DMD: variants seen among roughly 807,000 people sequenced by gnomAD.
DMD encodes the protein mutant dystrophin.
A neutral mutation model predicts 330.1 loss-of-function variants in DMD; 63 were observed. That is an observed-to-expected ratio of 0.19 (90% CI 0.16 to 0.24). The LOEUF (loss-of-function observed/expected upper bound fraction) is 0.24. DMD is among the 10% of genes least tolerant of loss of function. The pLI is 1.00. For synonymous variants in DMD, 1,223 were observed against 959.8 expected (o/e 1.27, Z -5.07); for missense variants, 3,344 against 2,684.1 (o/e 1.25, Z -5.43).
intron 43 of DMD, among the ~76,000 whole-genome samples, chrX:32,228,245 C>A (rs1487772099): frequency 9.0e-6 from 1 of 111,174 alleles, no homozygotes; most frequent in Admixed American, 9.6e-5. Context: ...TAGAACTCCG[C>A]AAATTTTCTT....
In DMD at chrX:31,932,138, C is replaced by G. The variant is rs1316893006; in HGVS notation, c.6704G>C (p.Ser2235Thr). Residue 2235 changes from serine (S) to threonine (T), a missense_variant, in exon 46 of 79, where the codon AGT (serine) becomes ACT (threonine). Ser to Thr is a moderately conservative substitution (Grantham distance 58). Coordinates refer to ENST00000357033, the MANE Select transcript of DMD (RefSeq NM_004006.3). ...LWLEEADNIA[S>T]IPLEPGKEQQ... ...CTCTTTTCCAGGTTCAAGTGGGATA[C>G]TAGCAATGTTATCTGCTTCCTCCAA... 29 of 1,203,335 alleles carry G rather than the reference C, an allele frequency of 2.4e-5. No individual in the cohort carries two copies. The highest frequency in any genetic ancestry group is 3.0e-5 in the Non-Finnish European group (27 of 889,297).
chrX:31,267,127 G>T (rs1451243939), intron 62 of DMD, among the ~76,000 whole-genome samples: 1 of 110,522 alleles, frequency 9.0e-6, no homozygotes, highest in Non-Finnish European at 1.9e-5. Flanking sequence ...AAGAAAGAAA[G>T]AAAGAAAGAG....
At chrX:33,021,600 T>C (rs974607491) in intron 1 of DMD, among the ~76,000 whole-genome samples, 2 of 111,520 alleles carry the variant, frequency 1.8e-5, no homozygotes, top group Admixed American at 9.6e-5. Context: ...AACAAATATA[T>C]GCATGCACCA....
chrX:31,882,299 G>A (rs1308052020), intron 47 of DMD, among the ~76,000 whole-genome samples: 3 of 111,670 alleles, frequency 2.7e-5, no homozygotes, highest in African/African-American at 9.8e-5. Flanking sequence ...AGTTGGAAAA[G>A]GATGATCTTT....
chrX:33,328,448 G>A (rs985253324), intron 1 of DMD, among the ~76,000 whole-genome samples: 2 of 110,461 alleles, frequency 1.8e-5, no homozygotes, highest in Non-Finnish European at 3.8e-5. Context: ...CACCCACCTC[G>A]ACCTCCCAAA....
rs1038620881 is a variant in DMD, at chrX:32,709,691, A to G, written c.650-10398T>C. On this transcript the variant is annotated intron_variant, in intron 7 of 78. Coordinates refer to ENST00000357033, the MANE Select transcript of DMD (RefSeq NM_004006.3). ...TTGCATTTTTGATTCATTCTCACCCATTAGGTCTTAACTCATATGGCACCT... is the reference window on the plus strand; with the variant it reads ...TTGCATTTTTGATTCATTCTCACCCGTTAGGTCTTAACTCATATGGCACCT... Among the ~76,000 whole-genome samples the G allele has an allele frequency of 2.7e-5, 3 of 111,591 alleles. No individual in the cohort carries two copies. The East Asian group carries it at 8.4e-4, about 31-fold the overall frequency.
chrX:32,300,367 T>G (rs985533062), intron 42 of DMD, among the ~76,000 whole-genome samples: 1 of 111,576 alleles, frequency 9.0e-6, no homozygotes, highest in Non-Finnish European at 1.9e-5. Context: ...TGGCTGAGTT[T>G]CCTTATGGTT....
intron 55 of DMD, among the ~76,000 whole-genome samples, chrX:31,574,160 T>C (rs2075975841): frequency 9.7e-6 from 1 of 102,841 alleles, no homozygotes; most frequent in Non-Finnish European, 2.0e-5. Flanking sequence ...TTTTTTTTTT[T>C]TGAGGCAGAG....
chrX:32,525,052 C>T (rs1388727509), intron 17 of DMD, among the ~76,000 whole-genome samples: 2 of 111,798 alleles, frequency 1.8e-5, no homozygotes, highest in Admixed American at 1.9e-4. Context: ...GAGTTCTTCC[C>T]TTTCATTTCT....
At chrX:31,341,913 A>ACACACACACACACACACG (rs2057793055) in intron 61 of DMD, among the ~76,000 whole-genome samples, 1 of 107,724 alleles carries the variant, frequency 9.3e-6, no homozygotes, top group Non-Finnish European at 2.0e-5. Flanking sequence ...ACACACACAC[A>ACACACACACACACACACG]CACACACGCA....
chrX:33,024,087 T>G (rs758014412), intron 1 of DMD, among the ~76,000 whole-genome samples: 1 of 112,152 alleles, frequency 8.9e-6, no homozygotes, highest in South Asian at 3.6e-4. Context: ...CCACCATACA[T>G]ACACATCACA....
chrX:32,636,843 A>G (rs1309449906), intron 11 of DMD, among the ~76,000 whole-genome samples: 3 of 109,564 alleles, frequency 2.7e-5, no homozygotes, highest in Admixed American at 9.8e-5. Context: ...CTAAAAATAC[A>G]AAAAGTTAGC....
chrX:32,739,399 G>T (rs191934575), intron 7 of DMD, among the ~76,000 whole-genome samples: 1 of 111,450 alleles, frequency 9.0e-6, no homozygotes, highest in African/African-American at 3.3e-5. Flanking sequence ...CTATGAGTGC[G>T]CTTGAAAACA....
rs534551040 is a variant in DMD, at chrX:32,550,221, T to A, written c.1993-4887A>T. ...CGAAAGGTACAATAAAAATATGATA[T>A]AGAGAGTTGGGCATAAAACAATCTT... On this transcript the variant is annotated intron_variant, in intron 16 of 78. Transcript: ENST00000357033. Among the ~76,000 whole-genome samples, 6 of 111,670 alleles carry A rather than the reference T, an allele frequency of 5.4e-5. No individual in the cohort carries two copies. The South Asian group carries it at 2.2e-3, about 41-fold the overall frequency.
In DMD at chrX:32,800,663, C is replaced by T. The variant is rs375284813; in HGVS notation, c.649+8830G>A. Among the ~76,000 whole-genome samples, 35 of 110,869 alleles carry T rather than the reference C, an allele frequency of 3.2e-4. No homozygotes were observed. The East Asian group carries it at 6.3e-3, about 20-fold the overall frequency. On this transcript the variant is annotated intron_variant, in intron 7 of 78. Coordinates refer to ENST00000357033, the MANE Select transcript of DMD (RefSeq NM_004006.3). ...ATGGTGGTTTGCTGTACCAATCCGT[C>T]ATCTATGTTAGGTATTTCCCCTAAT... is the stretch of plus-strand genomic sequence containing the variant.
chrX:31,872,743 C>G (rs2093912356), intron 48 of DMD, among the ~76,000 whole-genome samples: 1 of 111,558 alleles, frequency 9.0e-6, no homozygotes, highest in South Asian at 3.7e-4. Context: ...TAAGAATATA[C>G]TGGATATAAG....
chrX:31,561,359 G>A (rs970206462), intron 55 of DMD, among the ~76,000 whole-genome samples: 1 of 110,934 alleles, frequency 9.0e-6, no homozygotes, highest in East Asian at 2.8e-4. Context: ...AGCAAAAAAC[G>A]GGGTGGGAGG....
At chrX:32,113,528 A>G (rs2096597698) in intron 44 of DMD, among the ~76,000 whole-genome samples, 1 of 111,877 alleles carries the variant, frequency 8.9e-6, no homozygotes, top group African/African-American at 3.2e-5. Flanking sequence ...CGTTCATGGG[A>G]AGAATGAAAG....
intron 4 of DMD, among the ~76,000 whole-genome samples, chrX:32,833,905 G>A (rs190195397): frequency 9.1e-6 from 1 of 110,118 alleles, no homozygotes; most frequent in Non-Finnish European, 1.9e-5. Context: ...TAAAGCAAGA[G>A]GTATACTAAG....
Sources: allele counts gnomAD v4.1 joint callset (sites outside exome capture counted in the v4.1 genomes callset), GRCh38; gene constraint gnomAD v4.1.1; transcripts MANE v1.5; gene names NCBI Gene and HGNC (gene_info 2026-07-23, HGNC 2026-07-21).